LDB2: variants seen among roughly 807,000 people sequenced by gnomAD.
LDB2 encodes the protein LIM domain-binding protein 2.
A neutral mutation model predicts 44.3 loss-of-function variants in LDB2; 12 were observed. That is an observed-to-expected ratio of 0.27 (90% CI 0.17 to 0.44). The LOEUF (loss-of-function observed/expected upper bound fraction) is 0.44. LDB2 is among the 20% of genes least tolerant of loss of function. The pLI, the probability that LDB2 is intolerant of heterozygous loss-of-function variation, is 1.00. For missense variants in LDB2, 344 were observed against 473.5 expected (o/e 0.73, Z 2.54); for synonymous variants, 164 against 174.8 (o/e 0.94, Z 0.49).
chr4:16,639,708 C>A (rs1734622181), intron 2 of LDB2, among the ~76,000 whole-genome samples: 1 of 152,240 alleles, frequency 6.6e-6, no homozygotes, highest in Non-Finnish European at 1.5e-5. Flanking sequence ...GATCCGCCCA[C>A]CTCAGCCTCC....
intron 5 of LDB2, among the ~76,000 whole-genome samples, chr4:16,564,096 T>C (rs1256735787): frequency 2.0e-5 from 3 of 152,218 alleles, no homozygotes; most frequent in African/African-American, 4.8e-5. Flanking sequence ...TTAATGGTCT[T>C]CAAGATTTTA....
chr4:16,833,115 A>G (rs963316555), intron 1 of LDB2, among the ~76,000 whole-genome samples: 2 of 152,202 alleles, frequency 1.3e-5, no homozygotes, highest in Admixed American at 1.3e-4. Flanking sequence ...GGGCATAATA[A>G]AATCTGAAAG....
At chr4:16,630,660 C>T (rs942753379) in intron 2 of LDB2, among the ~76,000 whole-genome samples, 1 of 152,124 alleles carries the variant, frequency 6.6e-6, no homozygotes, top group Non-Finnish European at 1.5e-5. Context: ...GATAAAGAGT[C>T]GAGACCCATC....
intron 1 of LDB2, among the ~76,000 whole-genome samples, chr4:16,837,339 C>G (rs1324977428): frequency 6.6e-6 from 1 of 152,114 alleles, no homozygotes; most frequent in African/African-American, 2.4e-5. Flanking sequence ...ATACCAGACA[C>G]ATATTAGAGA....
intron 5 of LDB2, among the ~76,000 whole-genome samples, chr4:16,551,401 T>C (rs1737610230): frequency 6.6e-6 from 1 of 152,238 alleles, no homozygotes; most frequent in Admixed American, 6.5e-5. Flanking sequence ...ACCTGTGTGT[T>C]TGAGACAGAT....
intron 1 of LDB2, among the ~76,000 whole-genome samples, chr4:16,766,736 C>G (rs1471202541): frequency 6.6e-6 from 1 of 151,970 alleles, no homozygotes; most frequent in Non-Finnish European, 1.5e-5. Context: ...GAACTCCTGA[C>G]TTCAGGTGAT....
intron 1 of LDB2, among the ~76,000 whole-genome samples, chr4:16,880,828 C>CG (rs1315271744): frequency 6.8e-6 from 1 of 148,008 alleles, no homozygotes; most frequent in Admixed American, 6.8e-5. Flanking sequence ...AGTGTGAACC[C>CG]GGGAGGCGGA....
chr4:16,877,138 C>A (rs1327264494), intron 1 of LDB2, among the ~76,000 whole-genome samples: 2 of 152,130 alleles, frequency 1.3e-5, no homozygotes, highest in African/African-American at 4.8e-5. Context: ...GAGAGACAGG[C>A]CAGATATGGT....
chr4:16,783,254 T>G (rs1342036517), intron 1 of LDB2, among the ~76,000 whole-genome samples: 1 of 152,236 alleles, frequency 6.6e-6, no homozygotes. Context: ...CTCCAAGTCA[T>G]AGAAGAGTGA....
chr4:16,588,658 A>G, intron 4 of LDB2, 52 bp downstream of exon 4: 1 of 1,591,866 alleles, frequency 6.3e-7, no homozygotes, highest in East Asian at 2.2e-5. Flanking sequence ...CTTGAGTGAA[A>G]TGAAGGAGGA....
intron 1 of LDB2, among the ~76,000 whole-genome samples, chr4:16,814,172 G>C (rs1398554946): frequency 6.6e-6 from 1 of 152,070 alleles, no homozygotes; most frequent in Non-Finnish European, 1.5e-5. Context: ...ACCCGGCCAG[G>C]GATACTGTTT....
chr4:16,891,670 TTTTCCATCCCTG>T (rs1430207696), intron 1 of LDB2, among the ~76,000 whole-genome samples: 11 of 152,246 alleles, frequency 7.2e-5, no homozygotes, highest in African/African-American at 2.6e-4. Context: ...CCAGGGTATA[TTTTCCATCCCTG>T]GATCCATCCC....
At chr4:16,738,550 C>T (rs1355556620) in intron 2 of LDB2, among the ~76,000 whole-genome samples, 1 of 152,150 alleles carries the variant, frequency 6.6e-6, no homozygotes, top group Non-Finnish European at 1.5e-5. Context: ...CCCTTTGGTA[C>T]ATAAAATTAA....
At chr4:16,861,774 A>C (rs887226) in intron 1 of LDB2, among the ~76,000 whole-genome samples, 93,679 of 152,074 alleles carry the variant, frequency 0.62, 29,430 homozygotes, top group East Asian at 0.85. Flanking sequence ...GCCGCAGACA[A>C]ACTACGCCTT....
chr4:16,565,603 CTAT>C (rs1744209894), intron 5 of LDB2, among the ~76,000 whole-genome samples: 1 of 151,776 alleles, frequency 6.6e-6, no homozygotes, highest in Non-Finnish European at 1.5e-5. Flanking sequence ...ATTATCCTCA[CTAT>C]TATTCAACAT....
intron 1 of LDB2, among the ~76,000 whole-genome samples, chr4:16,894,474 T>C (rs1285821523): frequency 1.3e-5 from 2 of 152,178 alleles, no homozygotes; most frequent in African/African-American, 4.8e-5. Context: ...GCATTTAAAA[T>C]ATACTTTTGT....
chr4:16,532,050 T>C (rs936649893), intron 5 of LDB2, among the ~76,000 whole-genome samples: 1 of 135,504 alleles, frequency 7.4e-6, no homozygotes, highest in African/African-American at 2.8e-5. Context: ...GTACTAAAAA[T>C]AAACAGAGAT....
chr4:16,505,243 A>C (rs1367593350), intron 7 of LDB2, among the ~76,000 whole-genome samples: 5 of 152,192 alleles, frequency 3.3e-5, no homozygotes, highest in Admixed American at 3.3e-4. Flanking sequence ...AAAGATGTCT[A>C]GGCATAGGTG....
Position 16,710,150 on chromosome 4 carries a change from GGAA to G in LDB2, c.235+49005_235+49007del, listed in dbSNP as rs1251740145. Among the ~76,000 whole-genome samples the G allele has an allele frequency of 3.9e-5, 6 of 152,044 alleles. No homozygotes were observed. In the East Asian group the frequency reaches 1.2e-3, roughly 29 times the overall value. ...GTTTAAAGTGGAGACTGATGGGATG[GGAA>G]GAAGAATAGTTTTTAAAAATATTTC... On this transcript the variant is annotated intron_variant, in intron 2 of 7. Transcript: ENST00000304523.
Sources: gnomAD v4.1 joint callset for allele counts (sites outside exome capture counted in the v4.1 genomes callset) on GRCh38, gnomAD v4.1.1 for gene constraint, MANE v1.5 for transcripts, NCBI Gene and HGNC (gene_info 2026-07-23, HGNC 2026-07-21) for gene names.